Variants in PDK2 observed in about 807,000 individuals in gnomAD.
PDK2 encodes pyruvate dehydrogenase kinase 2, also known as pyruvate dehydrogenase kinase, isozyme 2.
PDK2 carries 34 observed loss-of-function variants against 50.4 expected under a neutral mutation model. The ratio of observed to expected loss-of-function variants is 0.68; its 90% confidence interval spans 0.51 to 0.90. The LOEUF (loss-of-function observed/expected upper bound fraction) is 0.90, where lower values mean the gene tolerates loss of function less well. PDK2 is among the 40% of genes least tolerant of loss of function. PDK2 has a pLI of 0.00. For missense variants in PDK2, 377 were observed against 544.5 expected (o/e 0.69, Z 3.06); for synonymous variants, 232 against 216.0 (o/e 1.07, Z -0.65).
Position 50,110,214 on chromosome 17 carries a change from TTC to T in PDK2, c.*119_*120del. 8.5e-6 allele frequency: 10 copies of T among 1,173,522 alleles called. No individual in the cohort carries two copies. The highest frequency in any genetic ancestry group is 1.2e-5 in the Non-Finnish European group (10 of 854,238). 72.7% of individuals were successfully genotyped at this position (1,173,522 alleles called of 1,614,324 possible). ...GGGTGGGTTCTCCCTGATGACCAGG[TTC>T]TGTCTCTATGGAAGTCACTGCGGTG... On this transcript the variant is annotated 3_prime_UTR_variant, in exon 11 of 11. Coordinates refer to ENST00000503176, the MANE Select transcript of PDK2 (RefSeq NM_002611.5).
At chr17:50,106,716 G>A (rs1221692811) in intron 4 of PDK2, 78 bp from the exon 5 acceptor site, 2 of 1,207,142 alleles carry the variant, frequency 1.7e-6, no homozygotes, top group East Asian at 2.3e-5. Flanking sequence ...AGTAGAAAGA[G>A]GAGGAAAGCC....
intron 2 of PDK2, chr17:50,104,441 G>A (rs1461038474): frequency 6.6e-6 from 1 of 152,312 alleles, no homozygotes; most frequent in Admixed American, 6.5e-5. Context: ...AGTAGAGACA[G>A]GTTTTTGCCA....
intron 3 of PDK2, 25 bp from the exon 4 acceptor site, chr17:50,105,860 T>C (rs1910480988): frequency 4.3e-6 from 7 of 1,609,458 alleles, no homozygotes; most frequent in Non-Finnish European, 5.9e-6. Flanking sequence ...GGGTGTCCCA[T>C]GTGAACATCT....
At chr17:50,097,795 C>T (rs1401382867) in intron 2 of PDK2, 2 of 476,014 alleles carry the variant, frequency 4.2e-6, no homozygotes, top group Admixed American at 3.4e-5. Context: ...TACCACCCAC[C>T]TTTCTCTGGA....
chr17:50,098,281 G>A (rs1910049975), intron 2 of PDK2, among the ~76,000 whole-genome samples: 1 of 152,208 alleles, frequency 6.6e-6, no homozygotes, highest in Non-Finnish European at 1.5e-5. Context: ...TCTTGGGCTG[G>A]TTCTTTTGGA....
chr17:50,094,896 T>C (rs376927285), upstream of PDK2: 1 of 61,002 alleles, frequency 1.6e-5, no homozygotes, highest in East Asian at 9.8e-4. Context: ...TAAGGGAGGA[T>C]AGGTAACGAT....
upstream of PDK2, chr17:50,095,345 G>T: frequency 1.1e-6 from 1 of 879,108 alleles, no homozygotes; most frequent in Non-Finnish European, 1.8e-6. Context: ...GCAAGGGTAG[G>T]GAGGAGGCGG....
intron 1 of PDK2, among the ~76,000 whole-genome samples, chr17:50,096,537 T>C (rs1202397188): frequency 1.3e-5 from 2 of 152,092 alleles, no homozygotes; most frequent in African/African-American, 4.8e-5. Context: ...AGGCACCTGT[T>C]CCTCAGGACT....
chr17:50,105,780 A>G (rs983812430), intron 3 of PDK2, 105 bp from the exon 4 acceptor site: 12 of 1,439,052 alleles, frequency 8.3e-6, no homozygotes, highest in Middle Eastern at 2.4e-4. Context: ...CTGGGAGTCC[A>G]TCGGATTGGG....
chr17:50,101,826 C>G lies in PDK2; in HGVS notation c.261-3545C>G, dbSNP rs1171225590. 1.3e-5 allele frequency: 2 copies of G among 152,228 alleles called. No individual in the cohort carries two copies. The highest frequency in any genetic ancestry group is 1.5e-5 in the Non-Finnish European group (1 of 68,098). 9.4% of individuals were successfully genotyped at this position (152,228 alleles called of 1,614,324 possible). On this transcript the variant is annotated intron_variant, in intron 2 of 10. Transcript: ENST00000503176. This position sits in a 1 kb window ranked among gnomAD's most constrained non-coding sequence, Gnocchi z 4.2. ...GGACTGGCTCTGGAGCCCTGGAAAG[C>G]AGGGTTTGGGTGGATCTCCACATTA... is the stretch of plus-strand genomic sequence containing the variant.
At chr17:50,107,218 C>CG in intron 6 of PDK2, 65 bp downstream of exon 6, 1 of 1,253,392 alleles carries the variant, frequency 8.0e-7, no homozygotes, top group Non-Finnish European at 1.2e-6. Flanking sequence ...CAAGGTGAGA[C>CG]GGGGAGTCAG....
upstream of PDK2, chr17:50,095,024 G>A: frequency 5.5e-6 from 1 of 183,104 alleles, no homozygotes; most frequent in Non-Finnish European, 1.1e-5. Context: ...ATGCGAGGGG[G>A]TAGCAAGGGA....
At chr17:50,097,648 C>A in intron 2 of PDK2, 84 bp downstream of exon 2, 2 of 1,525,534 alleles carry the variant, frequency 1.3e-6, no homozygotes, top group Non-Finnish European at 9.0e-7. Flanking sequence ...AAGCTTTTAG[C>A]AGCTTTGAGG....
At chr17:50,099,677 C>T (rs1910122200) in intron 2 of PDK2, among the ~76,000 whole-genome samples, 1 of 152,222 alleles carries the variant, frequency 6.6e-6, no homozygotes, top group South Asian at 2.1e-4. Context: ...CCTGTAGTCC[C>T]AGCTACTCGG....
intron 3 of PDK2, 56 bp from the exon 4 acceptor site, chr17:50,105,829 C>A: frequency 6.3e-7 from 1 of 1,577,678 alleles, no homozygotes; most frequent in Non-Finnish European, 8.6e-7. Context: ...AGAGGGGAGT[C>A]AGAAGCGGAG....
At chr17:50,105,523 C>A in intron 3 of PDK2, 81 bp downstream of exon 3, 1 of 1,171,412 alleles carries the variant, frequency 8.5e-7, no homozygotes, top group Non-Finnish European at 1.2e-6. Context: ...GGCAGAAGTA[C>A]AGCAGGATGG....
chr17:50,099,241 G>A (rs952374397), intron 2 of PDK2, among the ~76,000 whole-genome samples: 3 of 152,040 alleles, frequency 2.0e-5, no homozygotes, highest in Non-Finnish European at 4.4e-5. Flanking sequence ...TCTCCACCTG[G>A]TCCCTGACTC....
chr17:50,096,314 G>A, intron 1 of PDK2: 1 of 985,130 alleles, frequency 1.0e-6, no homozygotes, highest in Admixed American at 6.1e-5. Context: ...CCAGCAACCT[G>A]GGGGTGGCCC....
chr17:50,101,168 C>T lies in PDK2; in HGVS notation c.260+3604C>T, dbSNP rs1020740882. 1 of 152,166 alleles carries T rather than the reference C, an allele frequency of 6.6e-6. No individual in the cohort carries two copies. The highest frequency in any genetic ancestry group is 1.5e-5 in the Non-Finnish European group (1 of 68,034). The allele number at this position is 152,166 out of a possible 1,614,324, so 9.4% of individuals were successfully genotyped here. A position where few individuals can be genotyped will look rare whatever the true frequency, so the allele number is the denominator to read the frequency against. On this transcript the variant is annotated intron_variant, in intron 2 of 10. Coordinates refer to ENST00000503176, the MANE Select transcript of PDK2 (RefSeq NM_002611.5). The surrounding 1 kb of genome is among the most constrained non-coding windows in gnomAD (Gnocchi z 4.2). ...ATATGGCCGGCACCTTCGCACAAACCTCCCTTGCCCGTCAGCAAGGTGTGT... is the reference window on the plus strand; with the variant it reads ...ATATGGCCGGCACCTTCGCACAAACTTCCCTTGCCCGTCAGCAAGGTGTGT...
Sources: gnomAD v4.1 joint callset for allele counts (sites outside exome capture counted in the v4.1 genomes callset) on GRCh38, gnomAD v4.1.1 for gene constraint, Gnocchi (gnomAD v3.1) non-coding constraint, MANE v1.5 for transcripts, NCBI Gene and HGNC (gene_info 2026-07-23, HGNC 2026-07-21) for gene names.